The following CACNG6 variants were observed in gnomAD, a reference collection of about 807,000 sequenced individuals.
CACNG6 encodes calcium voltage-gated channel auxiliary subunit gamma 6, also known as voltage-dependent calcium channel gamma-6 subunit.
CACNG6 carries 21 observed loss-of-function variants against 23.9 expected under a neutral mutation model. The ratio of observed to expected loss-of-function variants is 0.88; its 90% CI spans 0.62 to 1.26. The LOEUF is 1.26. Among genes scored for constraint, CACNG6 ranks in the 50% most tolerant of loss-of-function variants. The pLI is 0.00. For synonymous variants in CACNG6, 182 were observed against 168.9 expected (o/e 1.08, Z -0.60); for missense variants, 340 against 352.9 (o/e 0.96, Z 0.29).
Position 54,007,075 on chromosome 19 carries a change from G to T in CACNG6, c.545-4876G>T, listed in dbSNP as rs544466919. Reference sequence around the variant, plus strand: ...GTTTTGTTTTGTTTTTTGAGACAGGGTCTCACTCTGTTGCCCAGGCTGAAG... The same window carrying T: ...GTTTTGTTTTGTTTTTTGAGACAGGTTCTCACTCTGTTGCCCAGGCTGAAG... On this transcript the variant is annotated intron_variant, in intron 3 of 3. Transcript: ENST00000252729. Among the ~76,000 whole-genome samples, 7 of 152,082 alleles carry T rather than the reference G, an allele frequency of 4.6e-5. No individual in the cohort carries two copies. In the East Asian group the frequency reaches 1.2e-3, roughly 25 times the overall value.
Position 53,998,222 on chromosome 19 carries a change from C to T in CACNG6, c.332-17C>T, listed in dbSNP as rs1385883490. 2.5e-6 allele frequency: 4 copies of T among 1,611,500 alleles called. No individual in the cohort carries two copies. The highest frequency in any genetic ancestry group is 3.4e-6 in the Non-Finnish European group (4 of 1,177,698). On this transcript the variant is annotated splice_polypyrimidine_tract_variant and intron_variant, in intron 1 of 3. Coordinates refer to ENST00000252729, the MANE Select transcript of CACNG6 (RefSeq NM_145814.2). ...CCTCACATCCTCATGTCTGTTTTCT[C>T]TCTCCTGCTCCCACAGAAGCAAACT...
At chr19:53,993,500 A>G (rs531025501) in intron 1 of CACNG6, among the ~76,000 whole-genome samples, 179 of 151,972 alleles carry the variant, frequency 1.2e-3, no homozygotes, top group African/African-American at 4.1e-3. Context: ...GAATGTGCCT[A>G]CAGGGAGTCT....
chr19:54,005,740 G>T, intron 3 of CACNG6, among the ~76,000 whole-genome samples: 1 of 127,720 alleles, frequency 7.8e-6, no homozygotes, highest in African/African-American at 3.0e-5. Flanking sequence ...GCAACAGAGT[G>T]AGACTCCCTC....
chr19:54,008,839 C>A (rs933654890), intron 3 of CACNG6, among the ~76,000 whole-genome samples: 1 of 152,236 alleles, frequency 6.6e-6, no homozygotes, highest in African/African-American at 2.4e-5. Context: ...CTGAGATTAT[C>A]TTGTCTCCTC....
At position 53,992,796 on chromosome 19, in the gene CACNG6, C is replaced by G. The variant is rs1600050318; in HGVS notation, c.-82C>G. On this transcript the variant is annotated 5_prime_UTR_variant, in exon 1 of 4. Coordinates refer to ENST00000252729, the MANE Select transcript of CACNG6 (RefSeq NM_145814.2). This position sits in a 1 kb window ranked among gnomAD's most constrained non-coding sequence, Gnocchi z 4.1. ...CTGAGTCCCTCACCCCCTTCAAGAC[C>G]CCAGGCCGCTCCTCGCTCCCGCCCC... The G allele has an allele frequency of 4.1e-6, 4 of 981,866 alleles. No individual in the cohort carries two copies. The East Asian group carries it at 1.2e-4, about 29-fold the overall frequency. The allele number at this position is 981,866 out of a possible 1,614,324, so 60.8% of individuals were successfully genotyped here. A position where few individuals can be genotyped will look rare whatever the true frequency, so the allele number is the denominator to read the frequency against.
At chr19:53,998,454 A>T in intron 2 of CACNG6, 141 bp downstream of exon 2, 1 of 574,096 alleles carries the variant, frequency 1.7e-6, no homozygotes, top group Non-Finnish European at 3.1e-6. Context: ...TCCCCTGGGG[A>T]GTGCTGGCGG....
In CACNG6 at chr19:53,993,090, C is replaced by G; in HGVS notation, c.213C>G (p.Asn71Lys). The G allele has an allele frequency of 6.5e-7, 1 of 1,545,110 alleles. No homozygotes were observed. The highest frequency in any genetic ancestry group is 1.4e-5 in the African/African-American group (1 of 72,654). The change falls in exon 1 of 4, where the codon AAC becomes AAG. Residue 71 changes from asparagine (N) to lysine (K), a missense_variant. Physicochemically the swap from Asn to Lys is moderately conservative, Grantham distance 94. Transcript: ENST00000252729. Reference sequence around the variant, plus strand: ...TGGAGCTCAACACCTACAAGGCCAACGGCAGCGCCGTGTGCGAAGCGGCCC... The same window carrying G: ...TGGAGCTCAACACCTACAAGGCCAAGGGCAGCGCCGTGTGCGAAGCGGCCC... ...FWVELNTYKANGSAVCEAAHL... is the reference protein window; with the variant it reads ...FWVELNTYKAKGSAVCEAAHL...
In CACNG6 at chr19:54,011,131, C is replaced by T. The variant is rs1302600133; in HGVS notation, c.545-820C>T. Among the ~76,000 whole-genome samples the T allele has an allele frequency of 2.7e-5, 4 of 146,150 alleles. No individual in the cohort carries two copies. The Admixed American group carries it at 2.8e-4, about 10-fold the overall frequency. On this transcript the variant is annotated intron_variant, in intron 3 of 3. Coordinates refer to ENST00000252729, the MANE Select transcript of CACNG6 (RefSeq NM_145814.2). Reference sequence around the variant, plus strand: ...ACTTTGGGAGGCCGAGGTGGGTGGACCACTTGAGGTCAGGAGTTCCAGACT... The same window carrying T: ...ACTTTGGGAGGCCGAGGTGGGTGGATCACTTGAGGTCAGGAGTTCCAGACT...
chr19:53,993,219 G>T lies in CACNG6; in HGVS notation c.331+11G>T. 1 of 1,529,706 alleles carries T rather than the reference G, an allele frequency of 6.5e-7. No individual in the cohort carries two copies. The allele number at this position is 1,529,706 out of a possible 1,614,324, so 94.8% of individuals were successfully genotyped here. A position where few individuals can be genotyped will look rare whatever the true frequency, so the allele number is the denominator to read the frequency against. ...CGGAGCTGCCCGGAGGTGAGCAGCCGCCGCCCCGAGCGCAGGGCTTGCGTC... is the reference window on the plus strand; with the variant it reads ...CGGAGCTGCCCGGAGGTGAGCAGCCTCCGCCCCGAGCGCAGGGCTTGCGTC... On this transcript the variant is annotated intron_variant, in intron 1 of 3. Coordinates refer to ENST00000252729, the MANE Select transcript of CACNG6 (RefSeq NM_145814.2).
intron 1 of CACNG6, among the ~76,000 whole-genome samples, chr19:53,994,121 C>T (rs1244096380): frequency 1.3e-5 from 2 of 152,118 alleles, no homozygotes; most frequent in Non-Finnish European, 2.9e-5. Flanking sequence ...TGTCAGCTTC[C>T]TCTTCCCAGC....
rs922097324 is a variant in CACNG6, at chr19:53,991,672, C to A, written c.-1206C>A. Among the ~76,000 whole-genome samples the A allele has an allele frequency of 6.6e-6, 1 of 151,772 alleles. No homozygotes were observed. Among genetic ancestry groups the A allele is most frequent in the African/African-American group, 2.4e-5 (1 of 41,306 alleles). On this transcript the variant is annotated 5_prime_UTR_variant, in exon 1 of 4. Coordinates refer to ENST00000252729, the MANE Select transcript of CACNG6 (RefSeq NM_145814.2). ...CGGTGGCGGGCACAGCCGGACGCTT[C>A]GGAGGCAGCGCGGAGCTGGGGTCGG... is the stretch of plus-strand genomic sequence containing the variant.
intron 3 of CACNG6, among the ~76,000 whole-genome samples, chr19:54,011,447 A>AAAC (rs1568820521): frequency 8.7e-6 from 1 of 115,088 alleles, no homozygotes; most frequent in African/African-American, 3.3e-5. Flanking sequence ...AAAAAAAAAA[A>AAAC]AAAAAACAAA....
At chr19:54,006,296 C>A (rs1434469050) in intron 3 of CACNG6, among the ~76,000 whole-genome samples, 1 of 151,558 alleles carries the variant, frequency 6.6e-6, no homozygotes, top group Non-Finnish European at 1.5e-5. Context: ...TGCCCGTATT[C>A]ATTTGCCAGG....
At chr19:53,998,177 C>A in intron 1 of CACNG6, 62 bp from the exon 2 acceptor site, 2 of 1,454,518 alleles carry the variant, frequency 1.4e-6, no homozygotes, top group Non-Finnish European at 1.9e-6. Flanking sequence ...AACTGTCCAG[C>A]CCTGAGCTTA....
Position 53,992,676 on chromosome 19 carries a change from T to C in CACNG6, c.-202T>C, listed in dbSNP as rs757295612. ...CCAGAGGCTTCCCCAGCCCTGGGGA[T>C]CATTTTTCTCTTCTGAACCCCAGAA... is the stretch of plus-strand genomic sequence containing the variant. On this transcript the variant is annotated 5_prime_UTR_variant, in exon 1 of 4. Coordinates refer to ENST00000252729, the MANE Select transcript of CACNG6 (RefSeq NM_145814.2). This position sits in a 1 kb window ranked among gnomAD's most constrained non-coding sequence, Gnocchi z 4.1. The C allele has an allele frequency of 1.3e-5, 5 of 372,442 alleles. No homozygotes were observed. The highest frequency in any genetic ancestry group is 1.9e-5 in the Non-Finnish European group (4 of 210,514). 23.1% of individuals were successfully genotyped at this position (372,442 alleles called of 1,614,324 possible). A position where few individuals can be genotyped will look rare whatever the true frequency, so the allele number is the denominator to read the frequency against.
chr19:54,011,616 C>G (rs1294599667), intron 3 of CACNG6, among the ~76,000 whole-genome samples: 1 of 151,960 alleles, frequency 6.6e-6, no homozygotes, highest in Non-Finnish European at 1.5e-5. Flanking sequence ...TGTTATGCAA[C>G]TATCACCCCC....
rs149818710 is a variant in CACNG6 at position 53,994,769 on chromosome 19, A to G, written c.331+1561A>G. ...AAATAGGATGTCCCAAGCCCTCGATAGGACAGTGGGATGCCAGGCCCCCCG... is the reference window on the plus strand; with the variant it reads ...AAATAGGATGTCCCAAGCCCTCGATGGGACAGTGGGATGCCAGGCCCCCCG... On this transcript the variant is annotated intron_variant, in intron 1 of 3. Coordinates refer to ENST00000252729, the MANE Select transcript of CACNG6 (RefSeq NM_145814.2). Among the ~76,000 whole-genome samples the G allele has an allele frequency of 6.1e-3, 932 of 152,292 alleles. 5 individuals are homozygous for G. The highest frequency in any genetic ancestry group is 7.3e-3 in the Non-Finnish European group (500 of 68,028).
intron 3 of CACNG6, among the ~76,000 whole-genome samples, chr19:54,002,314 C>T (rs1450534677): frequency 1.2e-4 from 14 of 114,388 alleles, no homozygotes; most frequent in African/African-American, 3.4e-4. Flanking sequence ...GATAGGGTTT[C>T]GCTGTGTTGC....
At chr19:54,009,161 G>A (rs897038735) in intron 3 of CACNG6, among the ~76,000 whole-genome samples, 3 of 151,860 alleles carry the variant, frequency 2.0e-5, no homozygotes, top group East Asian at 1.9e-4. Flanking sequence ...GGTGGCTCAC[G>A]TCTGTAATCC....
Sources: gnomAD v4.1 joint callset for allele counts (sites outside exome capture counted in the v4.1 genomes callset) on GRCh38, gnomAD v4.1.1 for gene constraint, Gnocchi (gnomAD v3.1) non-coding constraint, MANE v1.5 for transcripts, NCBI Gene and HGNC (gene_info 2026-07-23, HGNC 2026-07-21) for gene names.